Variants in ZFHX3 observed in about 807,000 individuals in gnomAD.
ZFHX3 encodes zinc finger homeobox protein 3.
ZFHX3 carries 42 observed loss-of-function variants against 279.1 expected under a neutral mutation model. The ratio of observed to expected loss-of-function variants is 0.15; its 90% CI spans 0.12 to 0.19. The LOEUF (loss-of-function observed/expected upper bound fraction) is 0.19, where lower values mean the gene tolerates loss of function less well. Ranked by LOEUF, ZFHX3 falls within the 10% of genes least tolerant of loss-of-function variation. ZFHX3 has a pLI of 1.00. For missense variants in ZFHX3, 4,981 were observed against 4,754.0 expected (o/e 1.05, Z -1.40); for synonymous variants, 2,293 against 1,957.8 (o/e 1.17, Z -4.52).
chr16:72,792,634 T>G (rs1319013105), intron 9 of ZFHX3, among the ~76,000 whole-genome samples: 1 of 152,130 alleles, frequency 6.6e-6, no homozygotes, highest in East Asian at 1.9e-4. Context: ...GTATTTTTAG[T>G]AGAGATGGGG....
intron 2 of ZFHX3, among the ~76,000 whole-genome samples, chr16:73,483,674 A>C (rs577460388): frequency 6.6e-6 from 1 of 152,254 alleles, no homozygotes; most frequent in South Asian, 2.1e-4. Flanking sequence ...GGGGCCAAGC[A>C]GCTGTTTTAC....
Position 72,783,418 on chromosome 16 carries a change from A to AAAAT in ZFHX3, c.*3742_*3745dup, listed in dbSNP as rs2035209574. The AAAAT allele has an allele frequency of 2.6e-5, 4 of 152,656 alleles. No homozygotes were observed. In the South Asian group the frequency reaches 8.3e-4, roughly 32 times the overall value. The allele number at this position is 152,656 out of a possible 1,614,324, so 9.5% of individuals were successfully genotyped here. Reference sequence around the variant, plus strand: ...AAATGTTTTAATTTATTATTTAAAAAAAATATATGTCCATGAACATCAAGT... The same window carrying AAAAT: ...AAATGTTTTAATTTATTATTTAAAAAAAATAAATATATGTCCATGAACATCAAGT... On this transcript the variant is annotated 3_prime_UTR_variant, in exon 10 of 10. Coordinates refer to ENST00000268489, the MANE Select transcript of ZFHX3 (RefSeq NM_006885.4).
At position 72,798,200 on chromosome 16, in the gene ZFHX3, C is replaced by T. The variant is rs757000794; in HGVS notation, c.4482G>A (p.Glu1494=). Reference sequence around the variant, plus strand: ...GTTTATCTTCCAAGTCACTCTCTTCCTCCTTGTCTTCCTCAACAATTATGG... The same window carrying T: ...GTTTATCTTCCAAGTCACTCTCTTCTTCCTTGTCTTCCTCAACAATTATGG... ...DHTIIVEEDK[E]EESDLEDKQS... The change falls in exon 9 of 10, where the codon GAG becomes GAA. Residue 1494 remains glutamate, a synonymous_variant. Transcript: ENST00000268489. 12 of 1,614,072 alleles carry T rather than the reference C, an allele frequency of 7.4e-6. No homozygotes were observed. In the East Asian group the frequency reaches 8.9e-5, roughly 12 times the overall value.
chr16:73,244,062 A>G (rs2013209293), intron 5 of ZFHX3, among the ~76,000 whole-genome samples: 2 of 152,190 alleles, frequency 1.3e-5, no homozygotes, highest in African/African-American at 4.8e-5. Context: ...CCCTCCTTTC[A>G]AAGAAAGGCT....
chr16:73,569,151 C>A (rs1010065), intron 2 of ZFHX3, among the ~76,000 whole-genome samples: 223 of 152,272 alleles, frequency 1.5e-3, no homozygotes, highest in African/African-American at 5.3e-3. Flanking sequence ...CTTTCCCAAG[C>A]TGACTTATAA....
At chr16:73,030,438 A>G (rs1196959849) in intron 1 of ZFHX3, among the ~76,000 whole-genome samples, 1 of 152,230 alleles carries the variant, frequency 6.6e-6, no homozygotes. Context: ...TCCTCTTTCC[A>G]GGTAGCTGGG....
intron 1 of ZFHX3, among the ~76,000 whole-genome samples, chr16:72,996,191 G>A (rs529656650): frequency 6.6e-6 from 1 of 152,144 alleles, no homozygotes; most frequent in Non-Finnish European, 1.5e-5. Flanking sequence ...GGCTCAGGCA[G>A]AAGAATCACT....
chr16:72,793,376 G>T lies in ZFHX3; in HGVS notation c.9306C>A (p.Asp3102Glu). Reference protein sequence around the residue: ...GLAAQQQGMFDNTPLQALNLP... With the variant: ...GLAAQQQGMFENTPLQALNLP... Reference sequence around the variant, plus strand: ...GGTTAAGGGCCTGAAGAGGGGTGTTGTCAAACATCCCTTGCTGCTGAGCTG... The same window carrying T: ...GGTTAAGGGCCTGAAGAGGGGTGTTTTCAAACATCCCTTGCTGCTGAGCTG... The change falls in exon 9 of 10, where the codon GAC becomes GAA. Residue 3102 changes from aspartate (D) to glutamate (E), a missense_variant. Transcript: ENST00000268489. The surrounding 1 kb of genome is among the most constrained non-coding windows in gnomAD (Gnocchi z 4.3). 1 of 1,614,222 alleles carries T rather than the reference G, an allele frequency of 6.2e-7. No homozygotes were observed.
chr16:73,375,172 T>C (rs1332733516), intron 3 of ZFHX3, among the ~76,000 whole-genome samples: 1 of 152,212 alleles, frequency 6.6e-6, no homozygotes, highest in Non-Finnish European at 1.5e-5. Flanking sequence ...TTTTCCTTCA[T>C]TCATTTTGAA....
chr16:73,475,678 C>T (rs141184869), intron 2 of ZFHX3, among the ~76,000 whole-genome samples: 3 of 152,166 alleles, frequency 2.0e-5, no homozygotes, highest in East Asian at 1.9e-4. Context: ...ATTATAATAA[C>T]ATTTCTAATT....
chr16:73,105,059 G>C (rs1309099272), intron 7 of ZFHX3, among the ~76,000 whole-genome samples: 1 of 152,016 alleles, frequency 6.6e-6, no homozygotes. Context: ...TGTGCTTGGC[G>C]ATGAGCTCTT....
intron 8 of ZFHX3, among the ~76,000 whole-genome samples, chr16:73,089,693 C>T (rs1471175393): frequency 6.6e-6 from 1 of 152,202 alleles, no homozygotes; most frequent in Non-Finnish European, 1.5e-5. Flanking sequence ...CCAGGGAAGG[C>T]TCTCATCCTT....
chr16:73,070,934 GCGCGCACACACACACACACACA>G (rs1398152704), intron 8 of ZFHX3, among the ~76,000 whole-genome samples: 9 of 69,244 alleles, frequency 1.3e-4, no homozygotes, highest in South Asian at 9.1e-4. Context: ...GCGCGCGCGC[GCGCGCACACACACACACACACA>G]CACACACACA....
At chr16:73,877,338 T>C (rs1033770184) in intron 1 of ZFHX3, among the ~76,000 whole-genome samples, 1 of 152,180 alleles carries the variant, frequency 6.6e-6, no homozygotes, top group African/African-American at 2.4e-5. Context: ...TTTTTTTTTC[T>C]TGTTCATGAC....
At chr16:73,320,472 TC>T (rs2015553645) in intron 3 of ZFHX3, among the ~76,000 whole-genome samples, 2 of 152,204 alleles carry the variant, frequency 1.3e-5, no homozygotes, top group African/African-American at 2.4e-5. Context: ...CCACATCATC[TC>T]ACATTTGAGC....
At chr16:73,136,349 G>A (rs1055318019) in intron 6 of ZFHX3, among the ~76,000 whole-genome samples, 2 of 152,144 alleles carry the variant, frequency 1.3e-5, no homozygotes, top group African/African-American at 4.8e-5. Context: ...AAACTTGACA[G>A]TCCAGTTCTT....
intron 1 of ZFHX3, among the ~76,000 whole-genome samples, chr16:72,980,643 C>T (rs972000362): frequency 8.6e-5 from 13 of 150,882 alleles, no homozygotes; most frequent in Non-Finnish European, 1.6e-4. Flanking sequence ...CAGTGGTGTG[C>T]GCCTGTAGTC....
rs1363931802 is a variant in ZFHX3 at position 73,844,752 on chromosome 16, A to C, written c.-1608+46899T>G. ...TGATAGGTAGATGGATAGGTAAATG[A>C]TACTAGATGACAGAGATAGACAATA... On this transcript the variant is annotated intron_variant, in intron 1 of 17. Coordinates refer to the ZFHX3 transcript ENST00000641206. Among the ~76,000 whole-genome samples, 5 of 151,772 alleles carry C rather than the reference A, an allele frequency of 3.3e-5. No individual in the cohort carries two copies. The East Asian group carries it at 7.7e-4, about 24-fold the overall frequency.
intron 3 of ZFHX3, among the ~76,000 whole-genome samples, chr16:73,322,426 T>C (rs958507111): frequency 2.0e-5 from 3 of 152,164 alleles, no homozygotes; most frequent in Admixed American, 6.5e-5. Context: ...TCAGGTAGAA[T>C]GGTGATGGAA....
Sources: allele counts gnomAD v4.1 joint callset (sites outside exome capture counted in the v4.1 genomes callset), GRCh38; gene constraint gnomAD v4.1.1; non-coding constraint Gnocchi (gnomAD v3.1); transcripts MANE v1.5; gene names NCBI Gene and HGNC (gene_info 2026-07-23, HGNC 2026-07-21).